NCKAP1L: variants seen among roughly 807,000 people sequenced by gnomAD.
NCKAP1L encodes nck-associated protein 1-like.
In NCKAP1L, 53 loss-of-function variants were observed where a neutral mutation model predicts 139.2. That is an observed-to-expected ratio of 0.38 (90% CI 0.31 to 0.48). NCKAP1L has a LOEUF of 0.48. NCKAP1L is among the 20% of genes least tolerant of loss of function. The probability of loss-of-function intolerance (pLI) is 0.98; values close to 1 mark genes in which losing one functional copy is unlikely to be tolerated. For missense variants in NCKAP1L, 1,151 were observed against 1,381.9 expected, an observed-to-expected ratio of 0.83 and a Z score of 2.65; for synonymous variants, 468 against 499.7, an observed-to-expected ratio of 0.94 and a Z score of 0.85.
chr12:54,522,947 G>A (rs1447545832), intron 18 of NCKAP1L, among the ~76,000 whole-genome samples: 1 of 152,164 alleles, frequency 6.6e-6, no homozygotes, highest in Non-Finnish European at 1.5e-5. Flanking sequence ...GTGGTGATGT[G>A]GGTAACTGTC....
At chr12:54,539,770 G>C (rs1592354917) in intron 30 of NCKAP1L, among the ~76,000 whole-genome samples, 1 of 152,146 alleles carries the variant, frequency 6.6e-6, no homozygotes, top group African/African-American at 2.4e-5. Context: ...AAGAGGTAGA[G>C]CCTGTACCCC....
intron 3 of NCKAP1L, among the ~76,000 whole-genome samples, chr12:54,502,741 C>T (rs1956809086): frequency 1.5e-5 from 2 of 137,462 alleles, no homozygotes; most frequent in African/African-American, 2.7e-5. Flanking sequence ...AATCCCAACA[C>T]TTTGGGAGGC....
At chr12:54,534,966 CTCTT>C (rs2120967808) in intron 26 of NCKAP1L, 134 bp from the exon 27 acceptor site, 5 of 550,144 alleles carry the variant, frequency 9.1e-6, no homozygotes, top group African/African-American at 1.9e-5. Context: ...GCGAGACTCT[CTCTT>C]TCTCTACATA....
chr12:54,544,491 C>A lies in NCKAP1L; in HGVS notation c.*1806C>A, dbSNP rs1957184191. On this transcript the variant is annotated 3_prime_UTR_variant, in exon 31 of 31. Transcript: ENST00000293373. ...AATCATACAGAGAAATTCTATTTTC[C>A]TTTACACAGTTTCCCTGAATGCTAA... 6.6e-6 allele frequency: 1 copy of A among 152,104 alleles called. No homozygotes were observed. Among genetic ancestry groups the A allele is most frequent in the African/African-American group, 2.4e-5 (1 of 41,430 alleles). 9.4% of individuals were successfully genotyped at this position (152,104 alleles called of 1,614,324 possible).
At position 54,538,964 on chromosome 12, in the gene NCKAP1L, C is replaced by A. The variant is rs746556256; in HGVS notation, c.3264C>A (p.Leu1088=). Residue 1088 remains leucine (L), a synonymous_variant, in exon 30 of 31, where the codon CTC becomes CTA. Transcript: ENST00000293373. ...GAAATCGAGAATCCATTTCTCTGCT[C>A]ATGCGCTTGGTAAGTACCTTATTTA... ...KTRNRESISL[L]MRLVVEESSF... is the part of the protein sequence containing the mutation. 6.2e-7 allele frequency: 1 copy of A among 1,613,726 alleles called. No individual in the cohort carries two copies. The highest frequency in any genetic ancestry group is 1.7e-5 in the Admixed American group (1 of 60,004).
intron 18 of NCKAP1L, among the ~76,000 whole-genome samples, chr12:54,522,093 G>A (rs1024994690): frequency 6.6e-6 from 1 of 152,194 alleles, no homozygotes; most frequent in Non-Finnish European, 1.5e-5. Context: ...GGTACTTACC[G>A]GGCACAAAGC....
intron 22 of NCKAP1L, among the ~76,000 whole-genome samples, chr12:54,530,990 G>C (rs1957064648): frequency 6.6e-6 from 1 of 152,148 alleles, no homozygotes; most frequent in African/African-American, 2.4e-5. Context: ...AGGAACACGG[G>C]AAAGTATAGA....
At chr12:54,518,847 C>G in intron 14 of NCKAP1L, 67 bp from the exon 15 acceptor site, 1 of 1,503,184 alleles carries the variant, frequency 6.7e-7, no homozygotes, top group African/African-American at 1.4e-5. Context: ...GAGGATCTAC[C>G]ATTCTATGTA....
chr12:54,516,981 C>T lies in NCKAP1L; in HGVS notation c.1084C>T (p.Leu362=), dbSNP rs1376660208. The T allele has an allele frequency of 6.2e-7, 1 of 1,611,806 alleles. No individual in the cohort carries two copies. Among genetic ancestry groups the T allele is most frequent in the South Asian group, 1.1e-5 (1 of 91,058 alleles). The change falls in exon 11 of 31, where the codon CTG becomes TTG. Residue 362 remains leucine (L), a synonymous_variant. Transcript: ENST00000293373. ...ETVLADEPGL[L]GPKALFAFMA... is the part of the protein sequence containing the mutation. ...TGTGTTGGCTGATGAACCGGGACTA[C>T]TGGGTCCTAAGGCAAGAGGAAGAAA... is the stretch of plus-strand genomic sequence containing the variant.
Position 54,531,776 on chromosome 12 carries a change from T to C in NCKAP1L, c.2732T>C (p.Ile911Thr), listed in dbSNP as rs749571684. 3 of 1,612,926 alleles carry C rather than the reference T, an allele frequency of 1.9e-6. No individual in the cohort carries two copies. The highest frequency in any genetic ancestry group is 2.5e-6 in the Non-Finnish European group (3 of 1,179,098). The change falls in exon 25 of 31, where the codon ATT becomes ACT. Residue 911 changes from isoleucine to threonine, a missense_variant. Ile to Thr is a moderately conservative substitution (Grantham distance 89). Transcript: ENST00000293373. The part of the protein sequence containing the change: ...AENVLKRMTI[I>T]GVILSFRAMA... ...AATGTGCTAAAGCGCATGACCATCA[T>C]TGGGGTTATCCTCAGTTTCAGGGCC...
chr12:54,505,655 AC>A, intron 3 of NCKAP1L, among the ~76,000 whole-genome samples: 1 of 114,012 alleles, frequency 8.8e-6, no homozygotes, highest in African/African-American at 3.6e-5. Flanking sequence ...GTGATTCAGT[AC>A]CCCGTCCTCC....
At chr12:54,505,045 T>C (rs1389512203) in intron 3 of NCKAP1L, among the ~76,000 whole-genome samples, 1 of 152,234 alleles carries the variant, frequency 6.6e-6, no homozygotes, top group Non-Finnish European at 1.5e-5. Context: ...TCATGTAGCA[T>C]ACAGGGAAAA....
At chr12:54,528,418 C>T (rs747058887) in intron 22 of NCKAP1L, 41 bp downstream of exon 22, 2 of 1,602,008 alleles carry the variant, frequency 1.2e-6, no homozygotes, top group African/African-American at 2.7e-5. Flanking sequence ...GAGCTGAGCC[C>T]TTCCTTCAAT....
At chr12:54,507,680 C>G (rs557860483) in intron 3 of NCKAP1L, among the ~76,000 whole-genome samples, 173 bp from the exon 4 acceptor site, 79 of 152,098 alleles carry the variant, frequency 5.2e-4, no homozygotes, top group Non-Finnish European at 9.4e-4. Context: ...CATAGGGGCC[C>G]ACTGGTGGCT....
intron 5 of NCKAP1L, among the ~76,000 whole-genome samples, chr12:54,509,283 A>G (rs1565673870): frequency 3.3e-5 from 5 of 152,182 alleles, no homozygotes; most frequent in Admixed American, 6.5e-5. Context: ...CTACGTGGAT[A>G]CCTAGACACA....
chr12:54,513,050 A>G (rs1956901024), intron 9 of NCKAP1L, among the ~76,000 whole-genome samples: 1 of 152,178 alleles, frequency 6.6e-6, no homozygotes. Flanking sequence ...AATCCATCCC[A>G]AAGAGGATGG....
intron 3 of NCKAP1L, among the ~76,000 whole-genome samples, chr12:54,503,869 G>T (rs1251076425): frequency 6.6e-6 from 1 of 152,010 alleles, no homozygotes; most frequent in Non-Finnish European, 1.5e-5. Context: ...TCGAACTCCT[G>T]ACCTCAAATG....
intron 11 of NCKAP1L, 139 bp from the exon 12 acceptor site, chr12:54,517,394 G>C (rs112906549): frequency 9.3e-6 from 6 of 645,978 alleles, no homozygotes; most frequent in African/African-American, 1.8e-5. Flanking sequence ...GAGGTTTTTT[G>C]GTGAGTCTGA....
rs150548278 is a variant in NCKAP1L, at chr12:54,521,168, A to G, written c.1808A>G (p.Glu603Gly). 25 of 1,613,932 alleles carry G rather than the reference A, an allele frequency of 1.5e-5. No individual in the cohort carries two copies. The highest frequency in any genetic ancestry group is 2.0e-5 in the Non-Finnish European group (24 of 1,180,016). ...HGLHHCNSFL[E>G]ELAKQTSNCV... ...CTTCACCACTGCAACTCCTTCCTGG[A>G]AGAGTTGGCCAAGCAGACCAGCAAT... is the stretch of plus-strand genomic sequence containing the variant. The change falls in exon 18 of 31, where the codon GAA becomes GGA. Residue 603 changes from glutamate to glycine, a missense_variant. Coordinates refer to ENST00000293373, the MANE Select transcript of NCKAP1L (RefSeq NM_005337.5).
Sources: gnomAD v4.1 joint callset for allele counts (sites outside exome capture counted in the v4.1 genomes callset) on GRCh38, gnomAD v4.1.1 for gene constraint, MANE v1.5 for transcripts, NCBI Gene and HGNC (gene_info 2026-07-23, HGNC 2026-07-21) for gene names.